The following COMMD10 variants were observed in gnomAD, a reference collection of about 807,000 sequenced individuals.
COMMD10 encodes COMM domain containing 10.
Under a neutral mutation model 28.9 loss-of-function variants are expected in COMMD10, and 33 were observed. The ratio of observed to expected loss-of-function variants is 1.14; its 90% CI spans 0.87 to 1.53. The LOEUF is 1.53. Ranked by LOEUF, COMMD10 falls within the 40% of genes most tolerant of loss-of-function variation. The pLI is 0.00. For synonymous variants in COMMD10, 110 were observed against 81.7 expected (o/e 1.35, Z -1.87); for missense variants, 310 against 233.4 (o/e 1.33, Z -2.14).
intron 5 of COMMD10, among the ~76,000 whole-genome samples, chr5:116,146,834 G>C (rs921069542): frequency 6.6e-6 from 1 of 151,742 alleles, no homozygotes; most frequent in Non-Finnish European, 1.5e-5. Flanking sequence ...TGTTTTGATG[G>C]TATTGGGAGA....
intron 5 of COMMD10, among the ~76,000 whole-genome samples, chr5:116,286,009 G>A (rs1751209999): frequency 1.3e-5 from 2 of 151,642 alleles, no homozygotes; most frequent in African/African-American, 4.9e-5. Flanking sequence ...TCTTTGTTGA[G>A]GAGTTTTTAA....
intron 4 of COMMD10, among the ~76,000 whole-genome samples, chr5:116,111,979 T>G (rs966402695): frequency 6.6e-6 from 1 of 152,192 alleles, no homozygotes; most frequent in African/African-American, 2.4e-5. Context: ...AGAATTGTTA[T>G]GTCCTCTTGT....
intron 4 of COMMD10, among the ~76,000 whole-genome samples, chr5:116,100,837 T>G (rs150149968): frequency 6.6e-6 from 1 of 152,324 alleles, no homozygotes; most frequent in East Asian, 1.9e-4. Context: ...CATGCATAGA[T>G]TTCATAATGG....
chr5:116,266,760 G>T (rs1750596646), intron 5 of COMMD10, among the ~76,000 whole-genome samples: 1 of 151,756 alleles, frequency 6.6e-6, no homozygotes, highest in African/African-American at 2.4e-5. Flanking sequence ...GATCAAGTGG[G>T]CTTCATCCCT....
chr5:116,274,360 C>G (rs1042004451), intron 5 of COMMD10, among the ~76,000 whole-genome samples: 1 of 151,856 alleles, frequency 6.6e-6, no homozygotes, highest in Non-Finnish European at 1.5e-5. Context: ...GCAGACTATA[C>G]AGCTCTGCTG....
intron 5 of COMMD10, among the ~76,000 whole-genome samples, chr5:116,232,896 A>G (rs1311628651): frequency 6.6e-6 from 1 of 152,188 alleles, no homozygotes; most frequent in Non-Finnish European, 1.5e-5. Context: ...GAAGTTAAGT[A>G]CATGTAGAAG....
intron 5 of COMMD10, among the ~76,000 whole-genome samples, chr5:116,275,738 T>C (rs1341354319): frequency 1.3e-5 from 2 of 151,682 alleles, no homozygotes; most frequent in East Asian, 1.9e-4. Context: ...GAAAGTTGAA[T>C]AAATTAATGA....
At chr5:116,190,821 A>G (rs2060652524) in intron 5 of COMMD10, among the ~76,000 whole-genome samples, 1 of 152,228 alleles carries the variant, frequency 6.6e-6, no homozygotes, top group African/African-American at 2.4e-5. Flanking sequence ...AGATAGCTAC[A>G]TGTTTACTTT....
At chr5:116,117,924 C>A (rs1006179465) in intron 4 of COMMD10, among the ~76,000 whole-genome samples, 2 of 152,088 alleles carry the variant, frequency 1.3e-5, no homozygotes, top group Admixed American at 1.3e-4. Flanking sequence ...AAAAATGTGT[C>A]TTATTTTATC....
intron 4 of COMMD10, among the ~76,000 whole-genome samples, chr5:116,112,111 A>G (rs1010485863): frequency 2.0e-5 from 3 of 152,114 alleles, no homozygotes; most frequent in Admixed American, 6.6e-5. Flanking sequence ...CTTTTGACAA[A>G]TTCTCTTAGT....
At chr5:116,102,105 T>C (rs1750684846) in intron 4 of COMMD10, among the ~76,000 whole-genome samples, 1 of 152,190 alleles carries the variant, frequency 6.6e-6, no homozygotes, top group South Asian at 2.1e-4. Context: ...TTTCTGTCCT[T>C]TTAAGATCTT....
Position 116,225,952 on chromosome 5 carries a change from A to T in COMMD10, c.511-65565A>T, listed in dbSNP as rs954456019. On this transcript the variant is annotated intron_variant, in intron 5 of 6. Coordinates refer to ENST00000274458, the MANE Select transcript of COMMD10 (RefSeq NM_016144.4). ...GCCTTCTGTGATTAGCTTGGTGCTA[A>T]CATTTTTCCTTTAAATTTTCAGCTC... 2.0e-4 allele frequency among the ~76,000 whole-genome samples: 30 copies of T among 152,112 alleles called. 1 individual carries two copies. Among genetic ancestry groups the T allele is most frequent in the African/African-American group, 5.3e-4 (22 of 41,466 alleles).
At chr5:116,176,960 G>C (rs1400208571) in intron 5 of COMMD10, among the ~76,000 whole-genome samples, 1 of 152,152 alleles carries the variant, frequency 6.6e-6, no homozygotes, top group Non-Finnish European at 1.5e-5. Context: ...CCCAAAGTTA[G>C]AGTTCAGACC....
At chr5:116,135,958 A>G (rs1752013692) in intron 5 of COMMD10, among the ~76,000 whole-genome samples, 1 of 152,214 alleles carries the variant, frequency 6.6e-6, no homozygotes, top group Non-Finnish European at 1.5e-5. Flanking sequence ...CACAATTTTT[A>G]TGAAGACTAA....
chr5:116,099,286 C>G (rs1750572976), intron 4 of COMMD10, among the ~76,000 whole-genome samples: 1 of 152,142 alleles, frequency 6.6e-6, no homozygotes, highest in African/African-American at 2.4e-5. Flanking sequence ...TCCATTTTGT[C>G]ACAAATGGCA....
At chr5:116,211,654 A>T (rs968700211) in intron 5 of COMMD10, among the ~76,000 whole-genome samples, 1 of 152,152 alleles carries the variant, frequency 6.6e-6, no homozygotes, top group African/African-American at 2.4e-5. Context: ...CTCAAATAAC[A>T]TACATGGATG....
Position 116,188,888 on chromosome 5 carries a change from C to A in COMMD10, c.510+54710C>A, listed in dbSNP as rs567337344. Among the ~76,000 whole-genome samples the A allele has an allele frequency of 1.5e-3, 225 of 152,292 alleles. 1 individual carries two copies. Among genetic ancestry groups the A allele is most frequent in the Non-Finnish European group, 2.6e-3 (179 of 68,018 alleles). Reference sequence around the variant, plus strand: ...CAAGCAGTTCACCCACCTTGGCCTTCCATAGTTCTGGGATTATAGGCGTAA... The same window carrying A: ...CAAGCAGTTCACCCACCTTGGCCTTACATAGTTCTGGGATTATAGGCGTAA... On this transcript the variant is annotated intron_variant, in intron 5 of 6. Transcript: ENST00000274458.
intron 5 of COMMD10, among the ~76,000 whole-genome samples, chr5:116,200,898 G>A (rs1182567905): frequency 6.6e-6 from 1 of 152,112 alleles, no homozygotes; most frequent in Non-Finnish European, 1.5e-5. Context: ...AGCTGTGTTT[G>A]GTTCTGATGC....
At chr5:116,221,167 G>A (rs530213531) in intron 5 of COMMD10, among the ~76,000 whole-genome samples, 2 of 151,078 alleles carry the variant, frequency 1.3e-5, no homozygotes, top group African/African-American at 4.9e-5. Flanking sequence ...TGAAACTACA[G>A]GCACCAGCTG....
Sources: gnomAD v4.1 joint callset for allele counts (sites outside exome capture counted in the v4.1 genomes callset) on GRCh38, gnomAD v4.1.1 for gene constraint, MANE v1.5 for transcripts, NCBI Gene and HGNC (gene_info 2026-07-23, HGNC 2026-07-21) for gene names.